The following TEX26 variants were observed in gnomAD, a reference collection of about 807,000 sequenced individuals.
TEX26 encodes testis expressed 26, also known as testis-expressed protein 26.
A neutral mutation model predicts 35.3 loss-of-function variants in TEX26; 34 were observed. That is an observed-to-expected ratio of 0.96 (90% confidence interval 0.73 to 1.28). TEX26 has a LOEUF of 1.28. Among genes scored for constraint, TEX26 ranks in the 50% most tolerant of loss-of-function variants. TEX26 has a pLI of 0.00. For synonymous variants in TEX26, 136 were observed against 111.8 expected (o/e 1.22, Z -1.36); for missense variants, 371 against 330.1 (o/e 1.12, Z -0.96).
At chr13:30,963,177 G>A (rs1304712378) in intron 4 of TEX26, among the ~76,000 whole-genome samples, 1 of 151,958 alleles carries the variant, frequency 6.6e-6, no homozygotes, top group Non-Finnish European at 1.5e-5. Context: ...TTTTGGTTTG[G>A]GCCTTTCTGC....
chr13:30,956,364 C>T (rs189570457), intron 3 of TEX26, among the ~76,000 whole-genome samples: 3,893 of 152,008 alleles, frequency 0.026, 157 homozygotes, highest in African/African-American at 0.088. Flanking sequence ...TTTATGGCTG[C>T]ATAGTATTCC....
chr13:30,957,163 T>C, intron 4 of TEX26, 134 bp downstream of exon 4: 1 of 858,940 alleles, frequency 1.2e-6, no homozygotes, highest in Non-Finnish European at 1.8e-6. Flanking sequence ...ACTTTGCAAA[T>C]AAAAACCATC....
Position 30,957,430 on chromosome 13 carries a change from C to T in TEX26, c.469+401C>T, listed in dbSNP as rs370310895. Among the ~76,000 whole-genome samples, 43 of 152,202 alleles carry T rather than the reference C, an allele frequency of 2.8e-4. 1 individual carries two copies. Among genetic ancestry groups the T allele is most frequent in the Admixed American group, 1.6e-3 (25 of 15,286 alleles). On this transcript the variant is annotated intron_variant, in intron 4 of 6. Coordinates refer to ENST00000380473, the MANE Select transcript of TEX26 (RefSeq NM_152325.3). ...AGGGAGGGTTGAGGGAGGAGATCAA[C>T]GTGGGCAGAGAACACCCAGTCTGGA...
rs140984753 is a variant in TEX26, at chr13:30,951,349, C to T, written c.147-1311C>T. 7.1e-3 allele frequency among the ~76,000 whole-genome samples: 682 copies of T among 95,404 alleles called. 17 individuals are homozygous for T. In the Admixed American group the frequency reaches 0.072, roughly 10 times the overall value. 62.6% of individuals were successfully genotyped at this position (95,404 alleles called of 152,430 possible). A position where few individuals can be genotyped will look rare whatever the true frequency, so the allele number is the denominator to read the frequency against. ...CCAGCCTAGGCAACAGAGCAAGACTCTGTCTCAAAAAAAAAAAAAAAAGCT... is the reference window on the plus strand; with the variant it reads ...CCAGCCTAGGCAACAGAGCAAGACTTTGTCTCAAAAAAAAAAAAAAAAGCT... On this transcript the variant is annotated intron_variant, in intron 2 of 6. Coordinates refer to ENST00000380473, the MANE Select transcript of TEX26 (RefSeq NM_152325.3).
At chr13:30,950,751 G>A (rs549723269) in intron 2 of TEX26, among the ~76,000 whole-genome samples, 1 of 152,264 alleles carries the variant, frequency 6.6e-6, no homozygotes, top group Non-Finnish European at 1.5e-5. Flanking sequence ...AGAACCACAA[G>A]CCCAGACAAG....
At chr13:30,974,756 C>T in intron 6 of TEX26, 90 bp from the exon 7 acceptor site, 1 of 1,270,508 alleles carries the variant, frequency 7.9e-7, no homozygotes, top group Non-Finnish European at 1.1e-6. Context: ...GTAATATTAT[C>T]AGATATTTTC....
At chr13:30,956,166 T>TC (rs1314194783) in intron 3 of TEX26, among the ~76,000 whole-genome samples, 1 of 52,788 alleles carries the variant, frequency 1.9e-5, no homozygotes, top group Non-Finnish European at 3.4e-5. Context: ...CCCTCCCCCC[T>TC]CCCCCCACCC....
At chr13:30,950,948 A>G (rs1360757008) in intron 2 of TEX26, among the ~76,000 whole-genome samples, 1 of 152,240 alleles carries the variant, frequency 6.6e-6, no homozygotes, top group African/African-American at 2.4e-5. Context: ...GAACCCACAT[A>G]CATTTGCAGG....
intron 4 of TEX26, 126 bp downstream of exon 4, chr13:30,957,155 T>A (rs1225878353): frequency 6.2e-6 from 6 of 960,426 alleles, no homozygotes; most frequent in Non-Finnish European, 9.1e-6. Flanking sequence ...GACAGGCGAC[T>A]TTGCAAATAA....
At chr13:30,962,639 A>C (rs1954387548) in intron 4 of TEX26, among the ~76,000 whole-genome samples, 1 of 152,214 alleles carries the variant, frequency 6.6e-6, no homozygotes, top group Non-Finnish European at 1.5e-5. Flanking sequence ...GCCATGTCTT[A>C]GCTTTTTATC....
At chr13:30,934,025 G>T (rs2138147974) in intron 1 of TEX26, among the ~76,000 whole-genome samples, 1 of 152,338 alleles carries the variant, frequency 6.6e-6, no homozygotes, top group Non-Finnish European at 1.5e-5. Flanking sequence ...CTACCAGACA[G>T]TTCCATGTGG....
At chr13:30,970,901 C>A (rs770812517) in intron 6 of TEX26, among the ~76,000 whole-genome samples, 100 of 152,328 alleles carry the variant, frequency 6.6e-4, no homozygotes, top group Admixed American at 6.5e-4. Context: ...TTTTCCTCCC[C>A]AGACAGGTGA....
chr13:30,957,030 G>A lies in TEX26; in HGVS notation c.469+1G>A, dbSNP rs750578697. On this transcript the variant is annotated splice_donor_variant, in intron 4 of 6. Coordinates refer to ENST00000380473, the MANE Select transcript of TEX26 (RefSeq NM_152325.3). LOFTEE classifies it high-confidence loss of function. The stretch of plus-strand genomic sequence containing the variant: ...AGAGACTTTGTGGACAGATCAAAAG[G>A]TAAACACTTTTGTTTTTCTTTTTTT... 6.8e-6 allele frequency: 11 copies of A among 1,612,656 alleles called. No individual in the cohort carries two copies. In the East Asian group the frequency reaches 2.5e-4, roughly 36 times the overall value.
intron 2 of TEX26, among the ~76,000 whole-genome samples, chr13:30,948,309 C>T (rs957941461): frequency 2.6e-5 from 4 of 152,272 alleles, no homozygotes; most frequent in African/African-American, 9.6e-5. Flanking sequence ...CCTGAGGAAT[C>T]GCCACACCAA....
At chr13:30,942,320 T>G (rs188433163) in intron 2 of TEX26, among the ~76,000 whole-genome samples, 4 of 152,252 alleles carry the variant, frequency 2.6e-5, no homozygotes, top group African/African-American at 7.2e-5. Context: ...TTTGTATACC[T>G]TCTTTTGAGA....
At position 30,938,658 on chromosome 13, in the gene TEX26, T is replaced by C. The variant is rs143160614; in HGVS notation, c.62-1036T>C. Among the ~76,000 whole-genome samples the C allele has an allele frequency of 7.2e-5, 11 of 152,252 alleles. No individual in the cohort carries two copies. The East Asian group carries it at 2.1e-3, about 29-fold the overall frequency. The stretch of plus-strand genomic sequence containing the variant: ...GGGATTAAGTTCCCAATACACAACA[T>C]TTGGGGGACACATTCAAACAATAGC... On this transcript the variant is annotated intron_variant, in intron 1 of 6. Transcript: ENST00000380473.
Position 30,939,745 on chromosome 13 carries a change from C to A in TEX26, c.113C>A (p.Thr38Lys), listed in dbSNP as rs756035545. The A allele has an allele frequency of 3.1e-6, 5 of 1,614,034 alleles. No homozygotes were observed. Among genetic ancestry groups the A allele is most frequent in the Non-Finnish European group, 4.2e-6 (5 of 1,179,904 alleles). Reference sequence around the variant, plus strand: ...GCTACCACTATGAGGACTGCATTCACGCCTAAAACAGGAGCAGTGCCTGCC... The same window carrying A: ...GCTACCACTATGAGGACTGCATTCAAGCCTAAAACAGGAGCAGTGCCTGCC... ...SYATTMRTAF[T>K]PKTGAVPALI... The change falls in exon 2 of 7, where the codon ACG (threonine) becomes AAG (lysine). Residue 38 changes from threonine (T) to lysine (K), a missense_variant. Thr to Lys is a moderately conservative substitution (Grantham distance 78). Transcript: ENST00000380473.
chr13:30,945,676 T>C (rs1236455728), intron 2 of TEX26, among the ~76,000 whole-genome samples: 1 of 151,974 alleles, frequency 6.6e-6, no homozygotes, highest in Non-Finnish European at 1.5e-5. Context: ...AAAATGACTT[T>C]ATTTCCTCTT....
At chr13:30,949,262 G>A (rs1953834453) in intron 2 of TEX26, among the ~76,000 whole-genome samples, 1 of 152,090 alleles carries the variant, frequency 6.6e-6, no homozygotes, top group South Asian at 2.1e-4. Context: ...ACATTGCCAG[G>A]TCAATCCTAA....
Sources: allele counts gnomAD v4.1 joint callset (sites outside exome capture counted in the v4.1 genomes callset), GRCh38; gene constraint gnomAD v4.1.1; transcripts MANE v1.5; gene names NCBI Gene and HGNC (gene_info 2026-07-23, HGNC 2026-07-21).